Variants in KCNH7 observed in about 807,000 individuals in gnomAD.
KCNH7 encodes the protein voltage-gated inwardly rectifying potassium channel KCNH7.
In KCNH7, 49 loss-of-function variants were observed where a neutral mutation model predicts 120.8. The observed-to-expected ratio is 0.41, with a 90% CI of 0.32 to 0.51. KCNH7 has a LOEUF of 0.51. KCNH7 is among the 20% of genes least tolerant of loss of function. The probability of loss-of-function intolerance (pLI) is 0.38; values close to 1 mark genes in which losing one functional copy is unlikely to be tolerated. For missense variants in KCNH7, 1,097 were observed against 1,446.6 expected, an observed-to-expected ratio of 0.76 and a Z score of 3.92; for synonymous variants, 547 against 516.1, an observed-to-expected ratio of 1.06 and a Z score of -0.81.
chr2:162,396,765 A>C lies in KCNH7; in HGVS notation c.2588T>G (p.Phe863Cys). 6.2e-7 allele frequency: 1 copy of C among 1,611,268 alleles called. No homozygotes were observed. The highest frequency in any genetic ancestry group is 8.5e-7 in the Non-Finnish European group (1 of 1,178,344). Residue 863 changes from phenylalanine to cysteine, a missense_variant, in exon 11 of 16, where the codon TTC becomes TGC. Phe to Cys is a radical substitution (Grantham distance 205). Transcript: ENST00000332142. ...CTTTGCGCTCTCATGCCTTAGGTTG[A>C]AAGTCAACTCTAGGTTTGTTAGAAA... ...DHFLTNLELT[F>C]NLRHESAKAD...
At chr2:162,812,699 C>G (rs1021795494) in intron 2 of KCNH7, among the ~76,000 whole-genome samples, 3 of 151,962 alleles carry the variant, frequency 2.0e-5, no homozygotes, top group African/African-American at 7.3e-5. Flanking sequence ...AGAAACAGTT[C>G]TACAGGTAAG....
intron 3 of KCNH7, 64 bp downstream of exon 3, chr2:162,536,859 CTG>C: frequency 7.7e-7 from 1 of 1,294,932 alleles, no homozygotes; most frequent in Non-Finnish European, 1.1e-6. Context: ...GAAATGAAGA[CTG>C]TATTAAAGTG....
chr2:162,498,516 G>C (rs1040679424), intron 6 of KCNH7, among the ~76,000 whole-genome samples: 2 of 151,734 alleles, frequency 1.3e-5, no homozygotes, highest in Non-Finnish European at 1.5e-5. Flanking sequence ...GGGTGTGCAC[G>C]TGTGTGTGGT....
chr2:162,532,439 T>C (rs998428105), intron 3 of KCNH7, among the ~76,000 whole-genome samples: 4 of 151,774 alleles, frequency 2.6e-5, no homozygotes, highest in Admixed American at 1.3e-4. Flanking sequence ...TCACTTACAA[T>C]GGATAGTCAA....
At chr2:162,596,338 A>G (rs1444284379) in intron 2 of KCNH7, among the ~76,000 whole-genome samples, 1 of 152,112 alleles carries the variant, frequency 6.6e-6, no homozygotes, top group Non-Finnish European at 1.5e-5. Context: ...GCAGCATGGT[A>G]TTGGCAAAAC....
intron 2 of KCNH7, among the ~76,000 whole-genome samples, chr2:162,551,502 C>A (rs892812990): frequency 4.0e-5 from 6 of 151,540 alleles, no homozygotes; most frequent in African/African-American, 1.5e-4. Context: ...ACTTGAATTT[C>A]TAAGTCATTA....
At chr2:162,448,568 T>C (rs967483982) in intron 6 of KCNH7, among the ~76,000 whole-genome samples, 3 of 152,088 alleles carry the variant, frequency 2.0e-5, no homozygotes, top group African/African-American at 7.2e-5. Flanking sequence ...AAGTCACTTT[T>C]AATGACAGGT....
At chr2:162,558,885 C>A (rs1448524288) in intron 2 of KCNH7, among the ~76,000 whole-genome samples, 3 of 151,206 alleles carry the variant, frequency 2.0e-5, no homozygotes, top group African/African-American at 7.3e-5. Flanking sequence ...GAAATCCTGT[C>A]TCTACTAAAA....
At chr2:162,504,792 C>G in intron 5 of KCNH7, 135 bp from the exon 6 acceptor site, 1 of 630,944 alleles carries the variant, frequency 1.6e-6, no homozygotes, top group Non-Finnish European at 2.8e-6. Flanking sequence ...CAGCTTATAC[C>G]TGGACACAGG....
intron 2 of KCNH7, among the ~76,000 whole-genome samples, chr2:162,753,036 G>A (rs1688658486): frequency 7.9e-5 from 2 of 25,372 alleles, no homozygotes; most frequent in Admixed American, 8.3e-4. Context: ...AAGAAACCCT[G>A]ACTAATAATA....
chr2:162,681,192 T>C (rs1374094897), intron 2 of KCNH7, among the ~76,000 whole-genome samples: 5 of 151,794 alleles, frequency 3.3e-5, no homozygotes, highest in Non-Finnish European at 7.4e-5. Context: ...AAAATATTCG[T>C]ATTCCAGTAA....
intron 2 of KCNH7, among the ~76,000 whole-genome samples, chr2:162,760,166 C>T (rs891837489): frequency 1.1e-4 from 16 of 152,022 alleles, no homozygotes; most frequent in African/African-American, 3.9e-4. Flanking sequence ...TGAAACGTGA[C>T]ATGTTCAGTG....
chr2:162,579,539 C>T (rs1263323905), intron 2 of KCNH7, among the ~76,000 whole-genome samples: 1 of 152,018 alleles, frequency 6.6e-6, no homozygotes, highest in African/African-American at 2.4e-5. Flanking sequence ...TAGTGTTTGA[C>T]ATACGGGTTT....
intron 2 of KCNH7, among the ~76,000 whole-genome samples, chr2:162,563,655 T>C (rs979886263): frequency 4.6e-5 from 7 of 152,162 alleles, no homozygotes; most frequent in Non-Finnish European, 8.8e-5. Context: ...GCTCAAAATT[T>C]ACAAAGTGTA....
In KCNH7 at chr2:162,704,296, C is replaced by T. The variant is rs540657223; in HGVS notation, c.307+132241G>A. The stretch of plus-strand genomic sequence containing the variant: ...TGATAGATTAAAAAATTAAAAGGTG[C>T]AAAATAATGGCAAATCATTATTCTT... On this transcript the variant is annotated intron_variant, in intron 2 of 15. Coordinates refer to ENST00000332142, the MANE Select transcript of KCNH7 (RefSeq NM_033272.4). 5.9e-5 allele frequency among the ~76,000 whole-genome samples: 9 copies of T among 152,060 alleles called. No individual in the cohort carries two copies. The South Asian group carries it at 1.7e-3, about 28-fold the overall frequency.
intron 2 of KCNH7, among the ~76,000 whole-genome samples, chr2:162,756,093 ATAAG>A (rs1229052895): frequency 6.6e-6 from 1 of 152,222 alleles, no homozygotes; most frequent in Non-Finnish European, 1.5e-5. Context: ...CTTAATCATC[ATAAG>A]TGAGTTATAA....
At chr2:162,637,579 C>G (rs1193716264) in intron 2 of KCNH7, among the ~76,000 whole-genome samples, 1 of 151,950 alleles carries the variant, frequency 6.6e-6, no homozygotes, top group East Asian at 1.9e-4. Context: ...CTTAATAATG[C>G]TGAGAGTAGA....
intron 9 of KCNH7, among the ~76,000 whole-genome samples, chr2:162,419,643 T>G (rs1687641354): frequency 6.6e-6 from 1 of 152,138 alleles, no homozygotes; most frequent in African/African-American, 2.4e-5. Context: ...AATTCTCCAT[T>G]AAATGCTCAT....
At chr2:162,794,653 A>T (rs16847321) in intron 2 of KCNH7, among the ~76,000 whole-genome samples, 3,892 of 152,132 alleles carry the variant, frequency 0.026, 84 homozygotes, top group Non-Finnish European at 0.033. Context: ...TTGCTCATAT[A>T]GTAAAAGAAA....
Sources: allele counts gnomAD v4.1 joint callset (sites outside exome capture counted in the v4.1 genomes callset), GRCh38; gene constraint gnomAD v4.1.1; transcripts MANE v1.5; gene names NCBI Gene and HGNC (gene_info 2026-07-23, HGNC 2026-07-21).